Variants in TAS2R1 observed in about 807,000 individuals in gnomAD.
TAS2R1 encodes the protein taste 2 receptor member 1.
For missense variants in TAS2R1, 370 were observed against 353.4 expected (o/e 1.05, Z -0.38); for synonymous variants, 141 against 134.2 (o/e 1.05, Z -0.35).
chr5:9,770,430 G>GT, the TAS2R1 span, among the ~76,000 whole-genome samples: 2 of 152,042 alleles, frequency 1.3e-5, no homozygotes, highest in Non-Finnish European at 2.9e-5. Flanking sequence ...TTTTAGGATT[G>GT]TTTTTTCTAT....
chr5:9,652,782 G>T (rs899250472), intron 2 of TAS2R1, among the ~76,000 whole-genome samples: 1 of 152,118 alleles, frequency 6.6e-6, no homozygotes, highest in Non-Finnish European at 1.5e-5. Flanking sequence ...GGTATCAACA[G>T]AGGTAATCCT....
At chr5:9,805,150 CAG>C in the TAS2R1 span, among the ~76,000 whole-genome samples, 1 of 151,750 alleles carries the variant, frequency 6.6e-6, no homozygotes, top group African/African-American at 2.4e-5. Flanking sequence ...CTAGAGGAGA[CAG>C]ATAAATTCCT....
chr5:9,778,037 C>T, the TAS2R1 span, among the ~76,000 whole-genome samples: 64 of 152,180 alleles, frequency 4.2e-4, no homozygotes, highest in African/African-American at 1.3e-3. Context: ...CCCGCCACCG[C>T]GCCCGGCTAA....
upstream of TAS2R1, among the ~76,000 whole-genome samples, chr5:9,712,828 G>T (rs1432240308): frequency 2.0e-5 from 3 of 151,500 alleles, no homozygotes. Context: ...TATTAGTTAG[G>T]GTTCTCCAAA....
the TAS2R1 span, among the ~76,000 whole-genome samples, chr5:9,829,690 T>A: frequency 6.6e-6 from 1 of 152,128 alleles, no homozygotes; most frequent in African/African-American, 2.4e-5. Flanking sequence ...GCTTAAGCCA[T>A]GGGCCCAGGA....
the TAS2R1 span, among the ~76,000 whole-genome samples, chr5:9,740,874 C>T: frequency 6.6e-6 from 1 of 152,160 alleles, no homozygotes; most frequent in Non-Finnish European, 1.5e-5. Flanking sequence ...CTCAAAAGCT[C>T]CTAAGTTATT....
chr5:9,747,496 A>G, the TAS2R1 span, among the ~76,000 whole-genome samples: 1 of 152,176 alleles, frequency 6.6e-6, no homozygotes, highest in East Asian at 1.9e-4. Flanking sequence ...AGAAGAAACA[A>G]GAAAGAGGTG....
At chr5:9,684,373 T>G (rs940060064) in intron 1 of TAS2R1, among the ~76,000 whole-genome samples, 2 of 152,156 alleles carry the variant, frequency 1.3e-5, no homozygotes, top group Non-Finnish European at 2.9e-5. Flanking sequence ...AGAGTAGAAT[T>G]GTGGTTATTA....
chr5:9,808,693 C>T, the TAS2R1 span, among the ~76,000 whole-genome samples: 1 of 152,122 alleles, frequency 6.6e-6, no homozygotes, highest in Non-Finnish European at 1.5e-5. Flanking sequence ...AGGCTGCAAA[C>T]ATATACCATT....
the TAS2R1 span, among the ~76,000 whole-genome samples, chr5:9,721,178 G>A: frequency 6.6e-6 from 1 of 152,220 alleles, no homozygotes; most frequent in South Asian, 2.1e-4. Context: ...GCTCTCCATA[G>A]TCTATCTTTG....
At chr5:9,835,591 G>A in the TAS2R1 span, among the ~76,000 whole-genome samples, 1 of 152,362 alleles carries the variant, frequency 6.6e-6, no homozygotes, top group Middle Eastern at 3.4e-3. Flanking sequence ...CACCATGAAT[G>A]ACATCATACA....
Position 9,629,655 on chromosome 5 carries a change from G to T in TAS2R1, c.378C>A (p.Val126=). The T allele has an allele frequency of 6.2e-7, 1 of 1,614,086 alleles. No individual in the cohort carries two copies. Among genetic ancestry groups the T allele is most frequent in the African/African-American group, 1.3e-5 (1 of 75,024 alleles). Reference sequence around the variant, plus strand: ...GCAGAGACCCCAGGATCATCCATGGGACCAGCTTGGATATCCTCATCTTCA... The same window carrying T: ...GCAGAGACCCCAGGATCATCCATGGTACCAGCTTGGATATCCTCATCTTCA... ...IWLKMRISKL[V]PWMILGSLLY... is the part of the protein sequence containing the mutation. Residue 126 remains valine, a synonymous_variant, in exon 1 of 1, where the codon GTC becomes GTA. Transcript: ENST00000382492.
At chr5:9,652,435 A>G (rs1225908957) in intron 2 of TAS2R1, among the ~76,000 whole-genome samples, 1 of 152,090 alleles carries the variant, frequency 6.6e-6, no homozygotes, top group Non-Finnish European at 1.5e-5. Flanking sequence ...GCCCATAAAC[A>G]CTACCCAGTT....
intron 2 of TAS2R1, among the ~76,000 whole-genome samples, chr5:9,642,490 G>A (rs79331449): frequency 6.6e-6 from 1 of 152,090 alleles, no homozygotes; most frequent in Non-Finnish European, 1.5e-5. Flanking sequence ...AATTCACAAC[G>A]TCTTGGTTAA....
the TAS2R1 span, among the ~76,000 whole-genome samples, chr5:9,736,661 C>G: frequency 6.4e-4 from 97 of 152,296 alleles, no homozygotes; most frequent in African/African-American, 2.3e-3. Flanking sequence ...AAATAAAGTA[C>G]TTGTGTTTGA....
the TAS2R1 span, among the ~76,000 whole-genome samples, chr5:9,750,747 A>G: frequency 6.6e-6 from 1 of 152,176 alleles, no homozygotes; most frequent in African/African-American, 2.4e-5. Flanking sequence ...TACCAAATCA[A>G]TCCTCAAATT....
the TAS2R1 span, among the ~76,000 whole-genome samples, chr5:9,798,092 A>G: frequency 6.6e-6 from 1 of 152,250 alleles, no homozygotes; most frequent in Non-Finnish European, 1.5e-5. Context: ...ATGAGCCTCA[A>G]AAACATTAGG....
At chr5:9,716,106 C>T (rs967970742), upstream of TAS2R1, among the ~76,000 whole-genome samples, 2 of 152,124 alleles carry the variant, frequency 1.3e-5, no homozygotes. Flanking sequence ...GACTTAGGTA[C>T]CCAAATTATT....
In TAS2R1 at chr5:9,628,505, C is replaced by A. The variant is rs1473359988; in HGVS notation, c.*628G>T. Among the ~76,000 whole-genome samples the A allele has an allele frequency of 6.6e-6, 1 of 152,196 alleles. No homozygotes were observed. Among genetic ancestry groups the A allele is most frequent in the Non-Finnish European group, 1.5e-5 (1 of 68,042 alleles). On this transcript the variant is annotated 3_prime_UTR_variant, in exon 1 of 1. Coordinates refer to ENST00000382492, the MANE Select transcript of TAS2R1 (RefSeq NM_019599.3). ...CATGTCACCATGGCATCTAGGCTCT[C>A]TGCAGGATGAAGTAGGAGAATATGC...
Sources: gnomAD v4.1 joint callset for allele counts (sites outside exome capture counted in the v4.1 genomes callset) on GRCh38, gnomAD v4.1.1 for gene constraint, MANE v1.5 for transcripts, NCBI Gene and HGNC (gene_info 2026-07-23, HGNC 2026-07-21) for gene names.